FBXW12: variants seen among roughly 807,000 people sequenced by gnomAD.
FBXW12 encodes F-box and WD repeat domain containing 12.
FBXW12 carries 43 observed loss-of-function variants against 55.3 expected under a neutral mutation model. That is an observed-to-expected ratio of 0.78 (90% CI 0.61 to 1.00). The LOEUF (loss-of-function observed/expected upper bound fraction) is 1.00, where lower values mean the gene tolerates loss of function less well. Ranked by LOEUF, FBXW12 falls within the 50% of genes least tolerant of loss-of-function variation. The pLI, the probability that FBXW12 is intolerant of heterozygous loss-of-function variation, is 0.00. For missense variants in FBXW12, 524 were observed against 560.5 expected (o/e 0.93, Z 0.66); for synonymous variants, 184 against 203.8 (o/e 0.90, Z 0.83).
Position 48,372,232 on chromosome 3 carries a change from A to G in FBXW12, c.-173A>G. ...CAGCTTGGCACGTTCTTTCTCCTCC[A>G]CTGCAAAGTTAAATGCGAGAAGGTA... On this transcript the variant is annotated 5_prime_UTR_variant, in exon 1 of 11. Transcript: ENST00000296438. 1 of 1,547,340 alleles carries G rather than the reference A, an allele frequency of 6.5e-7. No individual in the cohort carries two copies.
intron 10 of FBXW12, among the ~76,000 whole-genome samples, chr3:48,385,489 G>T (rs146807538): frequency 6.6e-6 from 1 of 152,074 alleles, no homozygotes; most frequent in East Asian, 1.9e-4. Context: ...AGTAATGAGC[G>T]TGCAGACATC....
chr3:48,379,610 A>T, intron 7 of FBXW12, 52 bp downstream of exon 7: 1 of 1,542,034 alleles, frequency 6.5e-7, no homozygotes, highest in South Asian at 1.1e-5. Flanking sequence ...TCAAGTTAGG[A>T]AGCATGCAGA....
rs1432417576 is a variant in FBXW12, at chr3:48,378,503, AC to A, written c.593del (p.Thr198LysfsTer7). The A allele has an allele frequency of 6.2e-7, 1 of 1,614,042 alleles. No homozygotes were observed. Among genetic ancestry groups the A allele is most frequent in the African/African-American group, 1.3e-5 (1 of 75,038 alleles). ...QPCYCMEAYL[T>X]KDGPFLMVGD... ...CTGTTATTGCATGGAAGCCTATCTTACAAAGGATGGCCCATTCCTGATGGTA... is the reference window on the plus strand; with the variant it reads ...CTGTTATTGCATGGAAGCCTATCTTAAAAGGATGGCCCATTCCTGATGGTA... On this transcript the variant is annotated frameshift_variant, in exon 6 of 11. Transcript: ENST00000296438. LOFTEE classifies it high-confidence loss of function.
At position 48,378,461 on chromosome 3, in the gene FBXW12, C is replaced by T. The variant is rs771648075; in HGVS notation, c.550C>T (p.Leu184Phe). 2 of 1,614,060 alleles carry T rather than the reference C, an allele frequency of 1.2e-6. No homozygotes were observed. The highest frequency in any genetic ancestry group is 3.3e-5 in the Admixed American group (2 of 60,010). Residue 184 changes from leucine to phenylalanine, a missense_variant, in exon 6 of 11, where the codon CTC (leucine) becomes TTC (phenylalanine). Leu to Phe is a conservative substitution (Grantham distance 22, BLOSUM62 0). Transcript: ENST00000296438. ...TCAGGACAGGGACGCTCTGGCTGTT[C>T]TCCCCATGCCACAGCCCTGTTATTG... ...NCQDRDALAV[L>F]PMPQPCYCME...
In FBXW12 at chr3:48,375,373, T is replaced by G. The variant is rs1317570791; in HGVS notation, c.306T>G (p.Ala102=). The change falls in exon 5 of 11, where the codon GCT becomes GCG. Residue 102 remains alanine (A), a synonymous_variant. Transcript: ENST00000296438. ...TTCTAGCATTTGAGACGGAGTTGGC[T>G]TATCTCTCAGGAAATAGACTTACAG... ...TKNIAFETEL[A]YLSGNRLTVD... 5.6e-6 allele frequency: 9 copies of G among 1,611,058 alleles called. No homozygotes were observed. In the South Asian group the frequency reaches 9.9e-5, roughly 18 times the overall value.
Position 48,372,742 on chromosome 3 carries a change from GT to G in FBXW12, c.-25del, listed in dbSNP as rs2036619644. 6.2e-7 allele frequency: 1 copy of G among 1,614,200 alleles called. No individual in the cohort carries two copies. Among genetic ancestry groups the G allele is most frequent in the Non-Finnish European group, 8.5e-7 (1 of 1,180,014 alleles). On this transcript the variant is annotated 5_prime_UTR_variant, in exon 2 of 11. The change abolishes the stop of an existing upstream ORF in the 5' untranslated region. Coordinates refer to ENST00000296438, the MANE Select transcript of FBXW12 (RefSeq NM_207102.2). ...AGCAGCCCGGAGAGGAGAAAGGAAA[GT>G]GGATGTGGGTTCAGGCCGCATGAAA...
intron 1 of FBXW12, 58 bp downstream of exon 1, chr3:48,372,378 A>G (rs2036615247): frequency 1.3e-6 from 2 of 1,530,428 alleles, no homozygotes; most frequent in Non-Finnish European, 1.8e-6. Context: ...ACTTAAATAG[A>G]GTCATAGAGA....
chr3:48,393,724 G>A (rs1481970587), intron 10 of FBXW12, among the ~76,000 whole-genome samples: 5 of 152,106 alleles, frequency 3.3e-5, no homozygotes, highest in East Asian at 1.9e-4. Flanking sequence ...AGGACTTTGA[G>A]ACCAGCCTGG....
At chr3:48,375,251 C>T in intron 4 of FBXW12, 103 bp from the exon 5 acceptor site, 1 of 776,030 alleles carries the variant, frequency 1.3e-6, no homozygotes, top group Non-Finnish European at 2.2e-6. Context: ...ATATTGTTAC[C>T]CAAACCTTCC....
chr3:48,375,245 T>C, intron 4 of FBXW12, 109 bp from the exon 5 acceptor site: 1 of 741,490 alleles, frequency 1.3e-6, no homozygotes, highest in East Asian at 2.7e-5. Flanking sequence ...TTCTCCATAT[T>C]GTTACCCAAA....
chr3:48,379,636 A>C, intron 7 of FBXW12, 78 bp downstream of exon 7: 1 of 1,231,544 alleles, frequency 8.1e-7, no homozygotes, highest in South Asian at 1.3e-5. Context: ...TGCAGAGCTC[A>C]GTGAGGACCA....
rs757787763 is a variant in FBXW12, at chr3:48,394,667, A to G, written c.*8A>G. The G allele has an allele frequency of 1.4e-6, 2 of 1,462,872 alleles. No individual in the cohort carries two copies. Among genetic ancestry groups the G allele is most frequent in the Non-Finnish European group, 1.9e-6 (2 of 1,054,552 alleles). The allele number at this position is 1,462,872 out of a possible 1,614,324, so 90.6% of individuals were successfully genotyped here. A position where few individuals can be genotyped will look rare whatever the true frequency, so the allele number is the denominator to read the frequency against. ...TATTCTTTGAATACGTAATATGGAA[A>G]CTAACAAAATTGACCTTGCATCATC... On this transcript the variant is annotated 3_prime_UTR_variant, in exon 11 of 11. Transcript: ENST00000296438.
intron 2 of FBXW12, among the ~76,000 whole-genome samples, chr3:48,373,087 CTTCCT>C (rs1415234222): frequency 2.0e-5 from 3 of 152,186 alleles, no homozygotes; most frequent in Non-Finnish European, 4.4e-5. Flanking sequence ...ATCAACACTT[CTTCCT>C]GTGAATTCAT....
chr3:48,379,038 C>G (rs1003545844), intron 6 of FBXW12, among the ~76,000 whole-genome samples: 1 of 152,188 alleles, frequency 6.6e-6, no homozygotes, highest in African/African-American at 2.4e-5. Context: ...AGACAAAAAG[C>G]CAAAAACTTC....
At position 48,381,705 on chromosome 3, in the gene FBXW12, G is replaced by A; in HGVS notation, c.991G>A (p.Glu331Lys). Reference sequence around the variant, plus strand: ...TGCGTTTTACATGAAAACAGCATATGAGATCGCAAGTTTCCAGGTGGCAGC... The same window carrying A: ...TGCGTTTTACATGAAAACAGCATATAAGATCGCAAGTTTCCAGGTGGCAGC... ...TGGQTVIQAYEIASFQVAAHL... is the reference protein window; with the variant it reads ...TGGQTVIQAYKIASFQVAAHL... Residue 331 changes from glutamate (E) to lysine (K), a missense_variant, in exon 9 of 11, where the codon GAG (glutamate) becomes AAG (lysine). Transcript: ENST00000296438. 1 of 1,570,588 alleles carries A rather than the reference G, an allele frequency of 6.4e-7. No homozygotes were observed. The highest frequency in any genetic ancestry group is 1.2e-5 in the South Asian group (1 of 83,806).
At position 48,372,929 on chromosome 3, in the gene FBXW12, A is replaced by T. The variant is rs2036625426; in HGVS notation, c.90+72A>T. ...TCGACCAGTTTGAGCACCACTTTGC[A>T]GAATAGCAGAGGGTTACACTGAGGC... On this transcript the variant is annotated intron_variant, in intron 2 of 10. Transcript: ENST00000296438. 1.2e-5 allele frequency: 17 copies of T among 1,365,278 alleles called. No homozygotes were observed. The Admixed American group carries it at 2.9e-4, about 23-fold the overall frequency. The allele number at this position is 1,365,278 out of a possible 1,614,324, so 84.6% of individuals were successfully genotyped here. A position where few individuals can be genotyped will look rare whatever the true frequency, so the allele number is the denominator to read the frequency against.
In FBXW12 at chr3:48,379,453, T is replaced by C; in HGVS notation, c.669T>C (p.Asp223=). 1.2e-6 allele frequency: 2 copies of C among 1,614,224 alleles called. No homozygotes were observed. Among genetic ancestry groups the C allele is most frequent in the Non-Finnish European group, 1.7e-6 (2 of 1,180,016 alleles). Reference sequence around the variant, plus strand: ...CATTTACACTGCCTGGGTTAAGAGATGTTTCTAAAGTTACTGCATTTCAAT... The same window carrying C: ...CATTTACACTGCCTGGGTTAAGAGACGTTTCTAAAGTTACTGCATTTCAAT... ...IYTFTLPGLR[D]VSKVTAFQYG... is the part of the protein sequence containing the mutation. Residue 223 remains aspartate, a synonymous_variant, in exon 7 of 11, where the codon GAT becomes GAC. Transcript: ENST00000296438.
At chr3:48,375,043 G>A (rs932894494) in intron 4 of FBXW12, among the ~76,000 whole-genome samples, 27 of 152,086 alleles carry the variant, frequency 1.8e-4, no homozygotes, top group African/African-American at 5.1e-4. Flanking sequence ...GATTACAGGC[G>A]TGAACCACTG....
At chr3:48,376,205 C>T (rs1370892892) in intron 5 of FBXW12, among the ~76,000 whole-genome samples, 2 of 152,006 alleles carry the variant, frequency 1.3e-5, no homozygotes, top group Non-Finnish European at 2.9e-5. Flanking sequence ...TGTTCTTGAA[C>T]TTCTGGCCTC....
Sources: gnomAD v4.1 joint callset for allele counts (sites outside exome capture counted in the v4.1 genomes callset) on GRCh38, gnomAD v4.1.1 for gene constraint, MANE v1.5 for transcripts, NCBI Gene and HGNC (gene_info 2026-07-23, HGNC 2026-07-21) for gene names.